NUBPL: variants seen among roughly 807,000 people sequenced by gnomAD.
The protein encoded by NUBPL is iron-sulfur cluster transfer protein NUBPL.
A neutral mutation model predicts 45.7 loss-of-function variants in NUBPL; 31 were observed. The observed-to-expected ratio is 0.68, with a 90% CI of 0.51 to 0.92. NUBPL has a LOEUF of 0.92. Ranked by LOEUF, NUBPL falls within the 40% of genes least tolerant of loss-of-function variation. The probability of loss-of-function intolerance (pLI) is 0.00; values close to 1 mark genes in which losing one functional copy is unlikely to be tolerated. For synonymous variants in NUBPL, 144 were observed against 140.9 expected (o/e 1.02, Z -0.15); for missense variants, 401 against 398.7 (o/e 1.01, Z -0.05).
At chr14:31,780,642 T>C (rs151035109) in intron 6 of NUBPL, among the ~76,000 whole-genome samples, 56 of 152,320 alleles carry the variant, frequency 3.7e-4, no homozygotes, top group African/African-American at 1.3e-3. Flanking sequence ...TAACTTCAAG[T>C]AGTTTTGTTT....
intron 4 of NUBPL, among the ~76,000 whole-genome samples, chr14:31,623,064 G>A (rs959748320): frequency 3.9e-5 from 6 of 152,216 alleles, no homozygotes; most frequent in Admixed American, 2.6e-4. Flanking sequence ...AACTCCTCGG[G>A]AGCCCACCCC....
intron 6 of NUBPL, among the ~76,000 whole-genome samples, chr14:31,721,919 C>G (rs771841206): frequency 6.6e-6 from 1 of 152,150 alleles, no homozygotes; most frequent in East Asian, 1.9e-4. Context: ...GCCTCTAGCT[C>G]CATCCACGTT....
chr14:31,608,609 A>AC, intron 4 of NUBPL, among the ~76,000 whole-genome samples: 1 of 152,178 alleles, frequency 6.6e-6, no homozygotes, highest in South Asian at 2.1e-4. Context: ...AACAGTAGGT[A>AC]ATCACCTGAA....
At chr14:31,847,533 G>C (rs1381942300) in intron 9 of NUBPL, among the ~76,000 whole-genome samples, 2 of 152,164 alleles carry the variant, frequency 1.3e-5, no homozygotes, top group Non-Finnish European at 2.9e-5. Flanking sequence ...GATAAAACAT[G>C]ATGTTCCAAA....
chr14:31,638,350 C>G (rs2035571284), intron 4 of NUBPL, among the ~76,000 whole-genome samples: 1 of 151,414 alleles, frequency 6.6e-6, no homozygotes, highest in South Asian at 2.1e-4. Flanking sequence ...ACTTATGAAG[C>G]TTAGTTTGGC....
intron 6 of NUBPL, among the ~76,000 whole-genome samples, chr14:31,674,667 A>G (rs2036650502): frequency 6.6e-6 from 1 of 152,178 alleles, no homozygotes. Context: ...TAGTTGTGTT[A>G]ATTGCCTGCA....
intron 4 of NUBPL, among the ~76,000 whole-genome samples, chr14:31,625,598 C>A (rs189892480): frequency 6.6e-6 from 1 of 151,812 alleles, no homozygotes; most frequent in Non-Finnish European, 1.5e-5. Flanking sequence ...GCCTCAGCCT[C>A]CTGAGTAGCT....
intron 3 of NUBPL, among the ~76,000 whole-genome samples, chr14:31,574,516 C>T (rs1328029176): frequency 5.3e-5 from 8 of 151,246 alleles, no homozygotes; most frequent in African/African-American, 1.5e-4. Flanking sequence ...CTGCCCGCCT[C>T]GGCCTCCCAA....
chr14:31,854,806 A>C (rs2040591679), intron 10 of NUBPL, among the ~76,000 whole-genome samples: 1 of 152,202 alleles, frequency 6.6e-6, no homozygotes, highest in Non-Finnish European at 1.5e-5. Flanking sequence ...TACACACCAC[A>C]GATTTCCCAA....
At chr14:31,661,694 C>T (rs1472004662) in intron 4 of NUBPL, among the ~76,000 whole-genome samples, 2 of 152,154 alleles carry the variant, frequency 1.3e-5, no homozygotes, top group African/African-American at 2.4e-5. Flanking sequence ...GCGCTCACCA[C>T]CACACCCAGC....
chr14:31,669,480 A>C (rs756054931), intron 4 of NUBPL, among the ~76,000 whole-genome samples: 2 of 145,830 alleles, frequency 1.4e-5, no homozygotes, highest in African/African-American at 2.5e-5. Flanking sequence ...TTAAACTTTT[A>C]TTTTATGTTT....
chr14:31,609,108 T>C (rs963064625), intron 4 of NUBPL, among the ~76,000 whole-genome samples: 1 of 151,808 alleles, frequency 6.6e-6, no homozygotes, highest in African/African-American at 2.4e-5. Context: ...GACTAAACTC[T>C]CCAATCAAAA....
At chr14:31,666,762 C>T (rs768071621) in intron 4 of NUBPL, among the ~76,000 whole-genome samples, 24 of 152,270 alleles carry the variant, frequency 1.6e-4, no homozygotes, top group Non-Finnish European at 1.5e-4. Context: ...GACAGAATCC[C>T]TCAGCTTTTG....
intron 7 of NUBPL, 24 bp downstream of exon 7, chr14:31,787,897 A>C: frequency 6.6e-7 from 1 of 1,514,486 alleles, no homozygotes; most frequent in Non-Finnish European, 9.2e-7. Context: ...GTTTAAAGTA[A>C]TTTGTACTTT....
chr14:31,692,790 A>G (rs976804640), intron 6 of NUBPL, among the ~76,000 whole-genome samples: 9 of 152,236 alleles, frequency 5.9e-5, no homozygotes, highest in Non-Finnish European at 1.0e-4. Flanking sequence ...TTAATCCTGT[A>G]TAAAATGAAA....
chr14:31,736,216 T>A (rs2038162843), intron 6 of NUBPL, among the ~76,000 whole-genome samples: 1 of 152,224 alleles, frequency 6.6e-6, no homozygotes. Flanking sequence ...TTCTTGACAT[T>A]GTTTTTTCCC....
At chr14:31,831,390 C>T (rs141585866) in intron 8 of NUBPL, among the ~76,000 whole-genome samples, 65 of 151,998 alleles carry the variant, frequency 4.3e-4, no homozygotes, top group African/African-American at 1.5e-3. Context: ...TCCAATTACA[C>T]TCTATTACTC....
At chr14:31,835,659 A>T (rs1402318214) in intron 8 of NUBPL, among the ~76,000 whole-genome samples, 2 of 152,148 alleles carry the variant, frequency 1.3e-5, no homozygotes, top group Non-Finnish European at 2.9e-5. Flanking sequence ...ACCCACAACT[A>T]TTTAGTTGGT....
Position 31,700,840 on chromosome 14 carries a change from G to A in NUBPL, c.513+27266G>A, listed in dbSNP as rs192233835. 2.1e-3 allele frequency among the ~76,000 whole-genome samples: 311 copies of A among 145,128 alleles called. 1 individual carries two copies. Among genetic ancestry groups the A allele is most frequent in the African/African-American group, 7.0e-3 (282 of 40,150 alleles). ...CCCCAGCCCCCTCCCCCCCACCACCGTGGGTTCCCTCACGGCCTGAGCCTC... is the reference window on the plus strand; with the variant it reads ...CCCCAGCCCCCTCCCCCCCACCACCATGGGTTCCCTCACGGCCTGAGCCTC... On this transcript the variant is annotated intron_variant, in intron 6 of 10. Transcript: ENST00000281081.
Sources: allele counts gnomAD v4.1 joint callset (sites outside exome capture counted in the v4.1 genomes callset), GRCh38; gene constraint gnomAD v4.1.1; transcripts MANE v1.5; gene names NCBI Gene and HGNC (gene_info 2026-07-23, HGNC 2026-07-21).